The following ALG1 variants were observed in gnomAD, a reference collection of about 807,000 sequenced individuals.
ALG1 encodes ALG1 chitobiosyldiphosphodolichol beta-mannosyltransferase, also known as chitobiosyldiphosphodolichol beta-mannosyltransferase.
In ALG1, 58 loss-of-function variants were observed where a neutral mutation model predicts 55.1. The observed-to-expected ratio is 1.05, with a 90% CI of 0.85 to 1.31. The LOEUF (loss-of-function observed/expected upper bound fraction) is 1.31, where lower values mean the gene tolerates loss of function less well. ALG1 is among the 50% of genes most tolerant of loss of function. The pLI is 0.00. For missense variants in ALG1, 761 were observed against 598.6 expected, an observed-to-expected ratio of 1.27 and a Z score of -2.83; for synonymous variants, 309 against 247.0, an observed-to-expected ratio of 1.25 and a Z score of -2.35.
chr16:5,084,870 A>C lies in ALG1; in HGVS notation c.1384A>C (p.Met462Leu). 1 of 1,595,496 alleles carries C rather than the reference A, an allele frequency of 6.3e-7. No homozygotes were observed. Among genetic ancestry groups the C allele is most frequent in the South Asian group, 1.1e-5 (1 of 90,968 alleles). Residue 462 changes from methionine to leucine, a missense_variant, in exon 13 of 13, where the codon ATG becomes CTG. Physicochemically the swap from Met to Leu is conservative, Grantham distance 15. Coordinates refer to ENST00000262374, the MANE Select transcript of ALG1 (RefSeq NM_019109.5). ...GGTGCAGACTGTGCTCCCTTTGGTT[A>C]TGGACACATAACTCCTGGGCCAGAG... ...SWVQTVLPLV[M>L]DT
chr16:5,081,450 C>T (rs1004909605), intron 10 of ALG1, among the ~76,000 whole-genome samples: 1 of 152,238 alleles, frequency 6.6e-6, no homozygotes, highest in African/African-American at 2.4e-5. Context: ...TCTCTTTCCC[C>T]GTTGATTTCT....
rs398124347 is a variant in ALG1, at chr16:5,081,021, C to A, written c.1037C>A (p.Pro346His). 1.1e-5 allele frequency: 18 copies of A among 1,596,358 alleles called. 1 individual carries two copies. In the East Asian group the frequency reaches 3.1e-4, roughly 28 times the overall value. ...TTCCAGCACATCCAGGTCTGCACCCCCTGGCTGGAGGCCGAGGACTACCCC... is the reference window on the plus strand; with the variant it reads ...TTCCAGCACATCCAGGTCTGCACCCACTGGCTGGAGGCCGAGGACTACCCC... ...KHFQHIQVCT[P>H]WLEAEDYPLL... Residue 346 changes from proline to histidine, a missense_variant, in exon 10 of 13, where the codon CCC becomes CAC. Physicochemically the swap from Pro to His is moderately conservative, Grantham distance 77. Transcript: ENST00000262374.
chr16:5,081,227 C>A (rs1283774682), intron 10 of ALG1, among the ~76,000 whole-genome samples, 171 bp downstream of exon 10: 1 of 152,180 alleles, frequency 6.6e-6, no homozygotes, highest in Non-Finnish European at 1.5e-5. Flanking sequence ...TGCCAGGTGG[C>A]CCCAGGGGCC....
rs539568048 is a variant in ALG1 at position 5,078,006 on chromosome 16, G to A, written c.729G>A (p.Pro243=). The A allele has an allele frequency of 1.9e-6, 3 of 1,599,180 alleles. No individual in the cohort carries two copies. The highest frequency in any genetic ancestry group is 2.2e-5 in the East Asian group (1 of 44,876). The change falls in exon 6 of 13, where the codon CCG becomes CCA. Residue 243 remains proline (P), a synonymous_variant. Coordinates refer to ENST00000262374, the MANE Select transcript of ALG1 (RefSeq NM_019109.5). ...LFMKLGSMHS[P]FRARSEPEDP... is the part of the protein sequence containing the mutation. ...TGAAGCTGGGCAGCATGCACTCTCC[G>A]TTCAGGGCCCGGTAGGCCTCCCATC... is the stretch of plus-strand genomic sequence containing the variant.
At chr16:5,078,188 C>A (rs964305067) in intron 6 of ALG1, 171 bp downstream of exon 6, 6 of 813,566 alleles carry the variant, frequency 7.4e-6, no homozygotes, top group Non-Finnish European at 1.2e-5. Flanking sequence ...ACACTCATTG[C>A]CTTCTGAGTT....
intron 6 of ALG1, 99 bp from the exon 7 acceptor site, chr16:5,078,658 C>T: frequency 1.9e-6 from 3 of 1,608,902 alleles, no homozygotes; most frequent in South Asian, 2.2e-5. Context: ...GGCACCCCAA[C>T]CTCTGGGAGC....
At chr16:5,080,848 G>A in intron 9 of ALG1, 98 bp from the exon 10 acceptor site, 1 of 1,499,980 alleles carries the variant, frequency 6.7e-7, no homozygotes, top group South Asian at 1.1e-5. Context: ...TGGAGCTTCT[G>A]GGAAAGGGAT....
intron 3 of ALG1, among the ~76,000 whole-genome samples, chr16:5,073,934 C>T (rs1303468928): frequency 1.3e-5 from 2 of 152,150 alleles, no homozygotes; most frequent in East Asian, 1.9e-4. Context: ...AGGCTGTTCT[C>T]GAACTCCTGA....
Position 5,084,807 on chromosome 16 carries a change from C to G in ALG1, c.1321C>G (p.Leu441Val), listed in dbSNP as rs1446098924. The change falls in exon 13 of 13, where the codon CTG becomes GTG. Residue 441 changes from leucine to valine, a missense_variant. Leu to Val is a conservative substitution (Grantham distance 32, BLOSUM62 1). Coordinates refer to ENST00000262374, the MANE Select transcript of ALG1 (RefSeq NM_019109.5). Reference sequence around the variant, plus strand: ...CAAGCTAAACCAGTTCCGGAAGAACCTGCGGGAGTCGCAGCAGCTCCGATG... The same window carrying G: ...CAAGCTAAACCAGTTCCGGAAGAACGTGCGGGAGTCGCAGCAGCTCCGATG... ...AGKLNQFRKNLRESQQLRWDE... is the reference protein window; with the variant it reads ...AGKLNQFRKNVRESQQLRWDE... The G allele has an allele frequency of 1.3e-6, 2 of 1,596,472 alleles. No individual in the cohort carries two copies. Among genetic ancestry groups the G allele is most frequent in the East Asian group, 2.2e-5 (1 of 44,884 alleles).
chr16:5,083,607 G>T lies in ALG1; in HGVS notation c.1188-75G>T, dbSNP rs925235971. 13 of 1,596,970 alleles carry T rather than the reference G, an allele frequency of 8.1e-6. No homozygotes were observed. In the African/African-American group the frequency reaches 1.5e-4, roughly 18 times the overall value. ...CTGGCTTGAGCATGGGGTGTGTGGG[G>T]GAGCCCAGGTGGGCACCCCAGGGGT... On this transcript the variant is annotated intron_variant, in intron 11 of 12. Coordinates refer to ENST00000262374, the MANE Select transcript of ALG1 (RefSeq NM_019109.5).
rs1483546221 is a variant in ALG1 at position 5,074,239 on chromosome 16, G to A, written c.390+983G>A. ...TGGCTCACTGCACCTTCTACCTCCC[G>A]TGTTCAAGTGATTTTCCTGCCTCAG... On this transcript the variant is annotated intron_variant, in intron 3 of 12. Transcript: ENST00000262374. Among the ~76,000 whole-genome samples, 5 of 151,754 alleles carry A rather than the reference G, an allele frequency of 3.3e-5. No individual in the cohort carries two copies. The East Asian group carries it at 5.8e-4, about 18-fold the overall frequency.
chr16:5,078,097 A>G lies in ALG1; in HGVS notation c.740+80A>G, dbSNP rs1956948025. The G allele has an allele frequency of 2.7e-6, 4 of 1,504,758 alleles. No homozygotes were observed. The South Asian group carries it at 4.5e-5, about 17-fold the overall frequency. The allele number at this position is 1,504,758 out of a possible 1,614,324, so 93.2% of individuals were successfully genotyped here. A position where few individuals can be genotyped will look rare whatever the true frequency, so the allele number is the denominator to read the frequency against. On this transcript the variant is annotated intron_variant, in intron 6 of 12. Coordinates refer to ENST00000262374, the MANE Select transcript of ALG1 (RefSeq NM_019109.5). ...TCCCCTTCTCACTGCAGACCTGGGA[A>G]CCCACTCATCCAGGGGTTGGCAAAC...
Position 5,083,775 on chromosome 16 carries a change from C to T in ALG1, c.1263+18C>T, listed in dbSNP as rs570783073. 1.0e-5 allele frequency: 16 copies of T among 1,597,590 alleles called. 1 individual carries two copies. The African/African-American group carries it at 1.6e-4, about 16-fold the overall frequency. ...AGCTGCAGGTAGCCACGTCTGCCAC[C>T]ACGCCAGGGTGGGGAGGGTTCTGGA... On this transcript the variant is annotated intron_variant, in intron 12 of 12. Coordinates refer to ENST00000262374, the MANE Select transcript of ALG1 (RefSeq NM_019109.5).
intron 3 of ALG1, 37 bp from the exon 4 acceptor site, chr16:5,075,351 C>G: frequency 6.2e-7 from 1 of 1,610,670 alleles, no homozygotes; most frequent in Non-Finnish European, 8.5e-7. Flanking sequence ...CTAGCATGGT[C>G]TGGGTTTCCT....
chr16:5,082,475 G>T lies in ALG1; in HGVS notation c.1073-84G>T, dbSNP rs115290312. On this transcript the variant is annotated intron_variant, in intron 10 of 12. Transcript: ENST00000262374. ...GCCTTATCTGATTTTCACTCTCCTT[G>T]GGGGATGCTGCCTCACTGTGCTGGG... 2.1e-3 allele frequency: 3,080 copies of T among 1,436,564 alleles called. 52 individuals are homozygous for T. The African/African-American group carries it at 0.034, about 16-fold the overall frequency. 89.0% of individuals were successfully genotyped at this position (1,436,564 alleles called of 1,614,324 possible).
chr16:5,080,852 A>C, intron 9 of ALG1, 94 bp from the exon 10 acceptor site: 3 of 1,501,962 alleles, frequency 2.0e-6, no homozygotes, highest in African/African-American at 1.4e-5. Flanking sequence ...GCTTCTGGGA[A>C]AGGGATCCCT....
chr16:5,082,964 C>T (rs1489166283), intron 11 of ALG1, among the ~76,000 whole-genome samples: 1 of 152,188 alleles, frequency 6.6e-6, no homozygotes, highest in Non-Finnish European at 1.5e-5. Flanking sequence ...AAACAAAAAG[C>T]ACCTTAAATA....
chr16:5,084,202 C>T (rs888506331), intron 12 of ALG1: 8 of 288,280 alleles, frequency 2.8e-5, no homozygotes, highest in African/African-American at 4.3e-5. Context: ...AGGTCCAGGT[C>T]GGAAGTCGTT....
intron 1 of ALG1, 75 bp from the exon 2 acceptor site, chr16:5,072,876 C>T (rs916667113): frequency 2.7e-5 from 36 of 1,333,548 alleles, no homozygotes; most frequent in Non-Finnish European, 3.6e-5. Flanking sequence ...GTCCGTGATT[C>T]AGCCTGAGTT....
Sources: allele counts gnomAD v4.1 joint callset (sites outside exome capture counted in the v4.1 genomes callset), GRCh38; gene constraint gnomAD v4.1.1; transcripts MANE v1.5; gene names NCBI Gene and HGNC (gene_info 2026-07-23, HGNC 2026-07-21).